The following LHFPL3 variants were observed in gnomAD, a reference collection of about 807,000 sequenced individuals.
The protein encoded by LHFPL3 is LHFPL tetraspan subfamily member 3 protein.
A neutral mutation model predicts 19.3 loss-of-function variants in LHFPL3; 5 were observed. The ratio of observed to expected loss-of-function variants is 0.26; its 90% CI spans 0.14 to 0.54. LHFPL3 has a LOEUF of 0.54. Ranked by LOEUF, LHFPL3 falls within the 20% of genes least tolerant of loss-of-function variation. The probability of loss-of-function intolerance (pLI) is 0.94; values close to 1 mark genes in which losing one functional copy is unlikely to be tolerated. For synonymous variants in LHFPL3, 133 were observed against 126.2 expected (o/e 1.05, Z -0.36); for missense variants, 249 against 307.4 (o/e 0.81, Z 1.42).
chr7:104,808,022 G>A lies in LHFPL3; in HGVS notation c.682+71111G>A, dbSNP rs142016822. Among the ~76,000 whole-genome samples the A allele has an allele frequency of 7.7e-3, 1,179 of 152,292 alleles. 19 individuals carry two copies. Among genetic ancestry groups the A allele is most frequent in the African/African-American group, 0.026 (1,064 of 41,560 alleles). On this transcript the variant is annotated intron_variant, in intron 2 of 2. Coordinates refer to ENST00000424859, the MANE Select transcript of LHFPL3 (RefSeq NM_199000.3). ...ACTGGCCAGGACTATACTCCATCTCGGCTGAAGAGGGAGAGGTGGCATGAT... is the reference window on the plus strand; with the variant it reads ...ACTGGCCAGGACTATACTCCATCTCAGCTGAAGAGGGAGAGGTGGCATGAT...
At chr7:104,341,051 T>C (rs1172969995) in intron 1 of LHFPL3, among the ~76,000 whole-genome samples, 1 of 152,206 alleles carries the variant, frequency 6.6e-6, no homozygotes, top group African/African-American at 2.4e-5. Flanking sequence ...TTCACAGTTA[T>C]CGAAAGCAAA....
Position 104,753,185 on chromosome 7 carries a change from A to G in LHFPL3, c.682+16274A>G, listed in dbSNP as rs547092801. 7.2e-5 allele frequency among the ~76,000 whole-genome samples: 11 copies of G among 152,338 alleles called. No individual in the cohort carries two copies. In the East Asian group the frequency reaches 2.1e-3, roughly 29 times the overall value. On this transcript the variant is annotated intron_variant, in intron 2 of 2. Transcript: ENST00000424859. ...GGCCAACAACAATGGCCAGACCACT[A>G]TAATAGAACTTTAGAGTTCCTTTCA... is the stretch of plus-strand genomic sequence containing the variant.
intron 1 of LHFPL3, among the ~76,000 whole-genome samples, chr7:104,719,760 G>A (rs536736563): frequency 3.9e-5 from 6 of 152,224 alleles, no homozygotes; most frequent in South Asian, 4.1e-4. Flanking sequence ...TTTCACATGC[G>A]TTGTTACTGT....
chr7:104,904,071 G>C (rs1019317197), intron 2 of LHFPL3, among the ~76,000 whole-genome samples: 1 of 152,266 alleles, frequency 6.6e-6, no homozygotes, highest in South Asian at 2.1e-4. Context: ...ATTCCTTTCC[G>C]TAGGGCTTCT....
intron 1 of LHFPL3, among the ~76,000 whole-genome samples, chr7:104,438,380 G>A (rs555420643): frequency 1.6e-4 from 24 of 152,278 alleles, no homozygotes; most frequent in African/African-American, 5.8e-4. Context: ...ACTTGCACAG[G>A]TTTCAGTAAA....
chr7:104,679,869 C>T (rs910357963), intron 1 of LHFPL3, among the ~76,000 whole-genome samples: 4 of 152,158 alleles, frequency 2.6e-5, no homozygotes, highest in East Asian at 1.9e-4. Flanking sequence ...GAGAGCGACA[C>T]GCATAATAGT....
chr7:104,578,622 C>T (rs191779104), intron 1 of LHFPL3, among the ~76,000 whole-genome samples: 1 of 152,312 alleles, frequency 6.6e-6, no homozygotes, highest in Non-Finnish European at 1.5e-5. Context: ...TTCAGCTTTC[C>T]TGGTGTCCAG....
intron 1 of LHFPL3, among the ~76,000 whole-genome samples, chr7:104,346,506 T>A (rs1790068468): frequency 6.6e-6 from 1 of 151,968 alleles, no homozygotes; most frequent in African/African-American, 2.4e-5. Flanking sequence ...ATGGGAGAAA[T>A]GGACACAGAT....
At chr7:104,783,401 G>A (rs552289621) in intron 2 of LHFPL3, among the ~76,000 whole-genome samples, 14 of 152,158 alleles carry the variant, frequency 9.2e-5, no homozygotes, top group Non-Finnish European at 1.9e-4. Context: ...GGACTGTATC[G>A]TGTTGACTGC....
At chr7:104,589,948 C>T (rs372528146) in intron 1 of LHFPL3, among the ~76,000 whole-genome samples, 54 of 152,136 alleles carry the variant, frequency 3.5e-4, no homozygotes, top group African/African-American at 1.2e-3. Flanking sequence ...TCTGTGGGAT[C>T]GGTGGTGATA....
At chr7:104,717,815 A>T (rs1266980725) in intron 1 of LHFPL3, among the ~76,000 whole-genome samples, 1 of 152,206 alleles carries the variant, frequency 6.6e-6, no homozygotes, top group Non-Finnish European at 1.5e-5. Flanking sequence ...TTATTCCAAA[A>T]GAATTGAAAT....
intron 2 of LHFPL3, among the ~76,000 whole-genome samples, chr7:104,836,986 A>G (rs1791110307): frequency 6.6e-6 from 1 of 152,180 alleles, no homozygotes; most frequent in Admixed American, 6.5e-5. Flanking sequence ...ATCTTTTCTA[A>G]TATTTCATGG....
rs112651339 is a variant in LHFPL3, at chr7:104,576,051, A to C, written c.446-160624A>C. ...AACTGCAGTGCCTAATTTACGTTTG[A>C]CATTCCTAAGTCAATGAATGATTTT... On this transcript the variant is annotated intron_variant, in intron 1 of 2. Transcript: ENST00000424859. 9.5e-3 allele frequency among the ~76,000 whole-genome samples: 1,454 copies of C among 152,278 alleles called. 25 individuals are homozygous for C. Among genetic ancestry groups the C allele is most frequent in the African/African-American group, 0.033 (1,377 of 41,540 alleles).
chr7:104,355,010 TC>T (rs774456695), intron 1 of LHFPL3, among the ~76,000 whole-genome samples: 2 of 152,202 alleles, frequency 1.3e-5, no homozygotes, highest in Non-Finnish European at 2.9e-5. Context: ...TTTTCAGTGG[TC>T]AAATTGAAAT....
chr7:104,846,049 G>A (rs1379968103), intron 2 of LHFPL3, among the ~76,000 whole-genome samples: 6 of 152,192 alleles, frequency 3.9e-5, no homozygotes, highest in Non-Finnish European at 5.9e-5. Context: ...CTGTGACTAC[G>A]AAGGAAAAAG....
chr7:104,845,484 C>T (rs570084009), intron 2 of LHFPL3: 2 of 1,521,462 alleles, frequency 1.3e-6, no homozygotes, highest in African/African-American at 2.8e-5. Flanking sequence ...CTTCTGCCTT[C>T]TGTTCCCGCA....
intron 1 of LHFPL3, among the ~76,000 whole-genome samples, chr7:104,435,883 C>T (rs1792094389): frequency 1.3e-5 from 2 of 151,544 alleles, no homozygotes; most frequent in African/African-American, 4.9e-5. Flanking sequence ...TTTCAAGCTG[C>T]AGAAATAAGG....
At chr7:104,539,396 A>G (rs539322854) in intron 1 of LHFPL3, among the ~76,000 whole-genome samples, 1 of 152,352 alleles carries the variant, frequency 6.6e-6, no homozygotes, top group African/African-American at 2.4e-5. Context: ...GGTAGAATAT[A>G]GTAAGCCCCT....
intron 1 of LHFPL3, among the ~76,000 whole-genome samples, chr7:104,565,559 A>G (rs576698028): frequency 5.0e-4 from 76 of 152,238 alleles, no homozygotes; most frequent in Non-Finnish European, 8.2e-4. Context: ...AAGCTGTTAG[A>G]ATGTTTAATC....
Sources: gnomAD v4.1 joint callset for allele counts (sites outside exome capture counted in the v4.1 genomes callset) on GRCh38, gnomAD v4.1.1 for gene constraint, MANE v1.5 for transcripts, NCBI Gene and HGNC (gene_info 2026-07-23, HGNC 2026-07-21) for gene names.